The following PPARGC1B variants were observed in gnomAD, a reference collection of about 807,000 sequenced individuals.
The protein encoded by PPARGC1B is peroxisome proliferator-activated receptor gamma coactivator 1-beta.
In PPARGC1B, 34 loss-of-function variants were observed where a neutral mutation model predicts 101.6. The ratio of observed to expected loss-of-function variants is 0.33; its 90% confidence interval spans 0.25 to 0.45. PPARGC1B has a LOEUF of 0.45. PPARGC1B is among the 20% of genes least tolerant of loss of function. The pLI, the probability that PPARGC1B is intolerant of heterozygous loss-of-function variation, is 1.00. For synonymous variants in PPARGC1B, 548 were observed against 539.3 expected (o/e 1.02, Z -0.22); for missense variants, 1,234 against 1,317.6 (o/e 0.94, Z 0.98).
At chr5:149,844,792 C>T (rs1236905789) in intron 10 of PPARGC1B, among the ~76,000 whole-genome samples, 1 of 152,188 alleles carries the variant, frequency 6.6e-6, no homozygotes, top group African/African-American at 2.4e-5. Context: ...TTGTCTCTGC[C>T]TTGAGGAGTT....
Position 149,847,766 on chromosome 5 carries a change from G to A in PPARGC1B, c.*208G>A, listed in dbSNP as rs937489274. On this transcript the variant is annotated 3_prime_UTR_variant, in exon 12 of 12. Coordinates refer to ENST00000309241, the MANE Select transcript of PPARGC1B (RefSeq NM_133263.4). Reference sequence around the variant, plus strand: ...CTGCTTCTGTCTGTGAGTTTCCATGGTGTTGACGTTCCACTGCCACATTAG... The same window carrying A: ...CTGCTTCTGTCTGTGAGTTTCCATGATGTTGACGTTCCACTGCCACATTAG... The A allele has an allele frequency of 1.8e-6, 1 of 559,792 alleles. No individual in the cohort carries two copies. Among genetic ancestry groups the A allele is most frequent in the Non-Finnish European group, 3.2e-6 (1 of 314,792 alleles). The allele number at this position is 559,792 out of a possible 1,614,324, so 34.7% of individuals were successfully genotyped here. A position where few individuals can be genotyped will look rare whatever the true frequency, so the allele number is the denominator to read the frequency against.
At chr5:149,796,888 G>C (rs1346194813) in intron 1 of PPARGC1B, among the ~76,000 whole-genome samples, 1 of 152,208 alleles carries the variant, frequency 6.6e-6, no homozygotes, top group African/African-American at 2.4e-5. Flanking sequence ...AGATATCAAG[G>C]AGGAAGGATT....
At chr5:149,828,587 A>T (rs1758620162) in intron 3 of PPARGC1B, among the ~76,000 whole-genome samples, 5 of 152,244 alleles carry the variant, frequency 3.3e-5, no homozygotes, top group Admixed American at 1.3e-4. Flanking sequence ...CAAAGCTTAA[A>T]GAGGCAAAGC....
chr5:149,847,422 T>C, intron 11 of PPARGC1B, 36 bp from the exon 12 acceptor site: 2 of 1,496,032 alleles, frequency 1.3e-6, no homozygotes, highest in Non-Finnish European at 1.9e-6. Flanking sequence ...GCTCACTGCC[T>C]TCCCCTCTTC....
chr5:149,795,664 C>A (rs61355973), intron 1 of PPARGC1B, among the ~76,000 whole-genome samples: 3,720 of 152,228 alleles, frequency 0.024, 140 homozygotes, highest in African/African-American at 0.083. Context: ...AGGGCGGCAG[C>A]TTCTGAGCGG....
At chr5:149,783,738 G>A (rs561613624) in intron 1 of PPARGC1B, among the ~76,000 whole-genome samples, 138 of 152,238 alleles carry the variant, frequency 9.1e-4, no homozygotes, top group African/African-American at 3.1e-3. Flanking sequence ...GATGAGTGTC[G>A]CTAAGGCCCT....
intron 1 of PPARGC1B, among the ~76,000 whole-genome samples, chr5:149,777,713 C>G (rs1756418254): frequency 6.6e-6 from 1 of 151,950 alleles, no homozygotes; most frequent in Non-Finnish European, 1.5e-5. Flanking sequence ...CCATGAGAAC[C>G]ACACCACCCA....
intron 1 of PPARGC1B, among the ~76,000 whole-genome samples, chr5:149,767,336 A>G (rs1412036764): frequency 6.6e-6 from 1 of 152,194 alleles, no homozygotes; most frequent in East Asian, 1.9e-4. Flanking sequence ...CAGACTAGAA[A>G]GATTCCTTGA....
At chr5:149,802,184 T>G (rs1757451705) in intron 1 of PPARGC1B, among the ~76,000 whole-genome samples, 1 of 152,190 alleles carries the variant, frequency 6.6e-6, no homozygotes. Flanking sequence ...CAGTGTAGTG[T>G]CTGCCCTGAC....
chr5:149,792,337 C>A (rs1223117607), intron 1 of PPARGC1B, among the ~76,000 whole-genome samples: 1 of 152,066 alleles, frequency 6.6e-6, no homozygotes, highest in Non-Finnish European at 1.5e-5. Flanking sequence ...CTCCTTGGGG[C>A]CTCTGAGATG....
intron 1 of PPARGC1B, among the ~76,000 whole-genome samples, chr5:149,734,353 T>A (rs2113061855): frequency 6.9e-6 from 1 of 144,828 alleles, no homozygotes; most frequent in African/African-American, 2.5e-5. Flanking sequence ...AAAGGAGTTA[T>A]CCTGAATATA....
Position 149,837,115 on chromosome 5 carries a change from G to T in PPARGC1B, c.2618+42G>T, listed in dbSNP as rs755884746. The T allele has an allele frequency of 3.2e-6, 5 of 1,546,758 alleles. No homozygotes were observed. The highest frequency in any genetic ancestry group is 4.5e-5 in the East Asian group (2 of 44,172). On this transcript the variant is annotated intron_variant, in intron 8 of 11. Transcript: ENST00000309241. This position sits in a 1 kb window ranked among gnomAD's most constrained non-coding sequence, Gnocchi z 4.2. ...GCAGGAGAGGCAGCGGGCAGTGGAGGATCCCAGTTCCCGGGGAGCCAGGAG... is the reference window on the plus strand; with the variant it reads ...GCAGGAGAGGCAGCGGGCAGTGGAGTATCCCAGTTCCCGGGGAGCCAGGAG...
chr5:149,818,669 TAA>T (rs1758151005), intron 1 of PPARGC1B, among the ~76,000 whole-genome samples: 1 of 152,234 alleles, frequency 6.6e-6, no homozygotes, highest in Non-Finnish European at 1.5e-5. Context: ...CTGTTTCTCT[TAA>T]GTGTCACATA....
At chr5:149,836,234 A>G (rs914051213) in intron 7 of PPARGC1B, 29 bp from the exon 8 acceptor site, 3 of 1,514,824 alleles carry the variant, frequency 2.0e-6, no homozygotes, top group African/African-American at 2.8e-5. Context: ...ATCTGTCTTT[A>G]TCTTACCTTT....
At chr5:149,742,934 G>A (rs1754960385) in intron 1 of PPARGC1B, among the ~76,000 whole-genome samples, 1 of 152,080 alleles carries the variant, frequency 6.6e-6, no homozygotes, top group Admixed American at 6.5e-5. Flanking sequence ...CAGCTGTGGG[G>A]CTCAGTGGAA....
At chr5:149,810,129 T>G (rs915027910) in intron 1 of PPARGC1B, among the ~76,000 whole-genome samples, 6 of 152,210 alleles carry the variant, frequency 3.9e-5, no homozygotes, top group African/African-American at 1.4e-4. Flanking sequence ...CCTAACAACA[T>G]GTACCTGTAC....
chr5:149,745,676 T>A (rs549871026), intron 1 of PPARGC1B, among the ~76,000 whole-genome samples: 37 of 152,184 alleles, frequency 2.4e-4, no homozygotes, highest in African/African-American at 8.7e-4. Flanking sequence ...GCATTTCCAT[T>A]TGATCTTCAC....
intron 1 of PPARGC1B, among the ~76,000 whole-genome samples, chr5:149,733,250 C>T (rs1251734238): frequency 2.6e-5 from 4 of 152,212 alleles, no homozygotes; most frequent in African/African-American, 9.6e-5. Context: ...TTAACTTTTA[C>T]CCATTGGGGC....
chr5:149,835,167 A>C, intron 6 of PPARGC1B, 134 bp from the exon 7 acceptor site: 1 of 802,934 alleles, frequency 1.2e-6, no homozygotes, highest in Non-Finnish European at 2.1e-6. Flanking sequence ...GAGCGAATGC[A>C]TCTCAGGCTC....
Sources: allele counts gnomAD v4.1 joint callset (sites outside exome capture counted in the v4.1 genomes callset), GRCh38; gene constraint gnomAD v4.1.1; non-coding constraint Gnocchi (gnomAD v3.1); transcripts MANE v1.5; gene names NCBI Gene and HGNC (gene_info 2026-07-23, HGNC 2026-07-21).